GPR35: variants seen among roughly 807,000 people sequenced by gnomAD.
The protein encoded by GPR35 is KYNA receptor.
For synonymous variants in GPR35, 207 were observed against 198.4 expected (o/e 1.04, Z -0.36); for missense variants, 372 against 422.5 (o/e 0.88, Z 1.05).
rs2043442690 is a variant in GPR35 at position 240,631,046 on chromosome 2, C to T, written c.*164C>T. On this transcript the variant is annotated 3_prime_UTR_variant, in exon 2 of 2. Transcript: ENST00000407714. ...CAGGGACGGCCCAGGTACCTGCTCT[C>T]TTGGGAAGAGAGAGGGACAGGGACA... The T allele has an allele frequency of 1.6e-6, 1 of 637,792 alleles. No homozygotes were observed. Among genetic ancestry groups the T allele is most frequent in the Non-Finnish European group, 2.8e-6 (1 of 357,226 alleles). 39.5% of individuals were successfully genotyped at this position (637,792 alleles called of 1,614,324 possible).
At chr2:240,623,293 G>A (rs117817152), upstream of GPR35, among the ~76,000 whole-genome samples, 74 of 128,148 alleles carry the variant, frequency 5.8e-4, no homozygotes, top group East Asian at 0.015. Flanking sequence ...TGAAGGGCTG[G>A]AAACAGGTCA....
At chr2:240,616,940 G>GCCAGCTGC (rs1195556146) in intron 3 of GPR35, 1 of 772,554 alleles carries the variant, frequency 1.3e-6, no homozygotes, top group African/African-American at 1.7e-5. Flanking sequence ...GGGTCCTCAG[G>GCCAGCTGC]CCAGCTGCCC....
chr2:240,606,028 G>A (rs1249915896), intron 1 of GPR35, among the ~76,000 whole-genome samples: 3 of 152,172 alleles, frequency 2.0e-5, no homozygotes, highest in Non-Finnish European at 4.4e-5. Flanking sequence ...TGGCTGCAGG[G>A]CTCTGGCCAT....
chr2:240,613,608 C>T (rs770964425), intron 2 of GPR35, among the ~76,000 whole-genome samples: 13 of 152,106 alleles, frequency 8.5e-5, no homozygotes, highest in Non-Finnish European at 1.8e-4. Flanking sequence ...AGAACCGAAC[C>T]TAACTCGAAC....
Position 240,630,095 on chromosome 2 carries a change from G to A in GPR35, c.143G>A (p.Arg48His), listed in dbSNP as rs368251622. ...CTGGCGCTCTGGGTGTTCTGCTGCC[G>A]CATGCAGCAGTGGACGGAGACCCGC... ...NSLALWVFCC[R>H]MQQWTETRIY... Residue 48 changes from arginine (R) to histidine (H), a missense_variant, in exon 2 of 2, where the codon CGC becomes CAC. Physicochemically the swap from Arg to His is conservative, Grantham distance 29. Coordinates refer to ENST00000407714, the MANE Select transcript of GPR35 (RefSeq NM_005301.5). 7.3e-5 allele frequency: 117 copies of A among 1,609,538 alleles called. No homozygotes were observed. The highest frequency in any genetic ancestry group is 2.8e-4 in the African/African-American group (21 of 74,932).
At chr2:240,610,081 T>C (rs1362505441) in intron 2 of GPR35, among the ~76,000 whole-genome samples, 5 of 152,064 alleles carry the variant, frequency 3.3e-5, no homozygotes, top group African/African-American at 1.2e-4. Flanking sequence ...TGCCTCAGCC[T>C]CCTGAGTAGC....
intron 2 of GPR35, chr2:240,607,092 A>G (rs940544805): frequency 6.6e-6 from 1 of 152,096 alleles, no homozygotes; most frequent in African/African-American, 2.4e-5. Flanking sequence ...GCTTGATTGG[A>G]TTGATCACAT....
rs563013234 is a variant in GPR35, at chr2:240,612,299, C to T, written c.-576-4089C>T. ...AAAATTAGCCGGGTGTGGTGGCGGG[C>T]GCCTGTAGTCTCAGCTACTCGGGAG... On this transcript the variant is annotated intron_variant, in intron 2 of 5. Coordinates refer to the GPR35 transcript ENST00000319838. Among the ~76,000 whole-genome samples, 32 of 151,000 alleles carry T rather than the reference C, an allele frequency of 2.1e-4. No homozygotes were observed. In the South Asian group the frequency reaches 2.7e-3, roughly 13 times the overall value.
chr2:240,624,176 C>T (rs112172426), upstream of GPR35, among the ~76,000 whole-genome samples: 2,978 of 152,214 alleles, frequency 0.02, 41 homozygotes, highest in Non-Finnish European at 0.024. Context: ...GATCAGGTGC[C>T]GTGCCTTCTG....
chr2:240,619,118 C>G, intron 5 of GPR35: 1 of 658,542 alleles, frequency 1.5e-6, no homozygotes, highest in Non-Finnish European at 2.8e-6. Flanking sequence ...ATCCACCTGC[C>G]TGGGGGTTTG....
chr2:240,626,327 C>G (rs1421861504), intron 1 of GPR35, among the ~76,000 whole-genome samples: 1 of 50,864 alleles, frequency 2.0e-5, no homozygotes, highest in African/African-American at 9.9e-5. Flanking sequence ...GAGGCTGTGA[C>G]GGGGTCTCAG....
rs142716446 is a variant in GPR35 at position 240,630,589 on chromosome 2, C to T, written c.637C>T (p.Arg213Cys). The change falls in exon 2 of 2, where the codon CGC becomes TGC. Residue 213 changes from arginine (R) to cysteine (C), a missense_variant. By Grantham distance (180) the Arg-to-Cys change is radical. Transcript: ENST00000407714. ...PTDVGQAEAT[R>C]KAARMVWANL... Reference sequence around the variant, plus strand: ...CGACGTGGGGCAGGCAGAGGCCACCCGCAAGGCTGCCCGCATGGTCTGGGC... The same window carrying T: ...CGACGTGGGGCAGGCAGAGGCCACCTGCAAGGCTGCCCGCATGGTCTGGGC... The T allele has an allele frequency of 2.5e-4, 401 of 1,612,822 alleles. 1 individual carries two copies. In the African/African-American group the frequency reaches 3.2e-3, roughly 13 times the overall value.
At chr2:240,623,303 A>AGGGCGCAAACAGGTCG (rs1559437424), upstream of GPR35, among the ~76,000 whole-genome samples, 1 of 97,908 alleles carries the variant, frequency 1.0e-5, no homozygotes, top group African/African-American at 3.5e-5. Context: ...GAAACAGGTC[A>AGGGCGCAAACAGGTCG]TGAGGGCGCA....
At position 240,631,906 on chromosome 2, in the gene GPR35, G is replaced by C. The variant is rs1198755326; in HGVS notation, c.*1024G>C. On this transcript the variant is annotated 3_prime_UTR_variant, in exon 2 of 2. Coordinates refer to ENST00000407714, the MANE Select transcript of GPR35 (RefSeq NM_005301.5). ...GTTCCATGTTCCACAGGACTGGAGA[G>C]AGATGGCAGTCATGTTCTGGCAGGG... Among the ~76,000 whole-genome samples the C allele has an allele frequency of 2.6e-5, 4 of 152,244 alleles. No homozygotes were observed. Among genetic ancestry groups the C allele is most frequent in the Non-Finnish European group, 5.9e-5 (4 of 68,050 alleles).
rs776208654 is a variant in GPR35, at chr2:240,632,190, T to TG, written c.*1316dup. Among the ~76,000 whole-genome samples the TG allele has an allele frequency of 5.3e-4, 78 of 147,730 alleles. No individual in the cohort carries two copies. The highest frequency in any genetic ancestry group is 3.8e-3 in the Middle Eastern group (1 of 260). On this transcript the variant is annotated 3_prime_UTR_variant, in exon 2 of 2. Coordinates refer to ENST00000407714, the MANE Select transcript of GPR35 (RefSeq NM_005301.5). ...ATACGCAAGGGTGTCCATGCCTGGT[T>TG]GGGGGGGGTCTATGTCCAGGAGGGT...
upstream of GPR35, among the ~76,000 whole-genome samples, chr2:240,623,629 A>G (rs2043334388): frequency 6.6e-6 from 1 of 152,014 alleles, no homozygotes; most frequent in African/African-American, 2.4e-5. Context: ...GCAGAGCACG[A>G]GGGCCCAGGC....
Position 240,630,127 on chromosome 2 carries a change from A to G in GPR35, c.175A>G (p.Met59Val), listed in dbSNP as rs755741144. The G allele has an allele frequency of 8.1e-6, 13 of 1,605,228 alleles. No homozygotes were observed. Among genetic ancestry groups the G allele is most frequent in the African/African-American group, 5.3e-5 (4 of 74,896 alleles). The change falls in exon 2 of 2, where the codon ATG (methionine) becomes GTG (valine). Residue 59 changes from methionine to valine, a missense_variant. Coordinates refer to ENST00000407714, the MANE Select transcript of GPR35 (RefSeq NM_005301.5). ...MQQWTETRIY[M>V]TNLAVADLCL... ...GCAGTGGACGGAGACCCGCATCTAC[A>G]TGACCAACCTGGCGGTGGCCGACCT... is the stretch of plus-strand genomic sequence containing the variant.
intron 1 of GPR35, chr2:240,629,195 G>A (rs1005908344): frequency 4.6e-5 from 7 of 152,406 alleles, no homozygotes; most frequent in Admixed American, 1.3e-4. Context: ...CCACCCCTGG[G>A]CGGCCCCTGA....
At chr2:240,622,381 C>G (rs184285538), upstream of GPR35, among the ~76,000 whole-genome samples, 2 of 152,190 alleles carry the variant, frequency 1.3e-5, no homozygotes, top group African/African-American at 2.4e-5. Flanking sequence ...CTCTGGCTCT[C>G]CCAGGCTCCT....
Sources: allele counts gnomAD v4.1 joint callset (sites outside exome capture counted in the v4.1 genomes callset), GRCh38; gene constraint gnomAD v4.1.1; transcripts MANE v1.5; gene names NCBI Gene and HGNC (gene_info 2026-07-23, HGNC 2026-07-21).